Variants in PHF2 observed in about 807,000 individuals in gnomAD.
The protein encoded by PHF2 is PHD finger protein 2.
A neutral mutation model predicts 120.5 loss-of-function variants in PHF2; 27 were observed. The ratio of observed to expected loss-of-function variants is 0.22; its 90% confidence interval spans 0.17 to 0.31. The LOEUF is 0.31. Ranked by LOEUF, PHF2 falls within the 10% of genes least tolerant of loss-of-function variation. The pLI is 1.00. For synonymous variants in PHF2, 568 were observed against 592.5 expected (o/e 0.96, Z 0.60); for missense variants, 1,024 against 1,434.8 (o/e 0.71, Z 4.63).
In PHF2 at chr9:93,667,075, A is replaced by G. The variant is rs1305062406; in HGVS notation, c.2188-5A>G. The G allele has an allele frequency of 6.2e-7, 1 of 1,610,862 alleles. No individual in the cohort carries two copies. Among genetic ancestry groups the G allele is most frequent in the Admixed American group, 1.7e-5 (1 of 59,424 alleles). On this transcript the variant is annotated splice_region_variant and splice_polypyrimidine_tract_variant and intron_variant, in intron 16 of 21. Coordinates refer to ENST00000359246, the MANE Select transcript of PHF2 (RefSeq NM_005392.4). ...CTGACCGAAGCCCTGTCCCTCGCGC[A>G]GCAGAGTGATGACTCCTCGGACGAG... is the stretch of plus-strand genomic sequence containing the variant.
chr9:93,639,523 A>T (rs10115715), intron 3 of PHF2, among the ~76,000 whole-genome samples: 21,408 of 152,104 alleles, frequency 0.14, 1,581 homozygotes, highest in Non-Finnish European at 0.17. Flanking sequence ...GCAAATTGAG[A>T]TAGTATGACT....
intron 9 of PHF2, 141 bp from the exon 10 acceptor site, chr9:93,658,004 G>C: frequency 1.6e-6 from 1 of 614,180 alleles, no homozygotes; most frequent in Middle Eastern, 2.6e-4. Flanking sequence ...GGAACTGTTG[G>C]CAGTTGAGCT....
At chr9:93,597,669 C>T (rs1467262247) in intron 1 of PHF2, among the ~76,000 whole-genome samples, 1 of 152,144 alleles carries the variant, frequency 6.6e-6, no homozygotes, top group Non-Finnish European at 1.5e-5. Context: ...TGGTGTAGTC[C>T]TGAGGTGAGG....
intron 1 of PHF2, among the ~76,000 whole-genome samples, chr9:93,599,511 G>A (rs1825396829): frequency 6.6e-6 from 1 of 152,236 alleles, no homozygotes; most frequent in Non-Finnish European, 1.5e-5. Flanking sequence ...GTGGAGGTTG[G>A]AAACAGTGAT....
chr9:93,626,602 AT>A (rs1331897679), intron 1 of PHF2, among the ~76,000 whole-genome samples: 1 of 152,040 alleles, frequency 6.6e-6, no homozygotes, highest in Non-Finnish European at 1.5e-5. Context: ...CAAATTAGCA[AT>A]TTTTTCTTTT....
At chr9:93,629,685 C>T (rs985192845) in intron 1 of PHF2, among the ~76,000 whole-genome samples, 1 of 152,204 alleles carries the variant, frequency 6.6e-6, no homozygotes, top group Non-Finnish European at 1.5e-5. Context: ...TGGTGACCCT[C>T]ACCCAGGCAG....
intron 2 of PHF2, among the ~76,000 whole-genome samples, chr9:93,631,078 C>T (rs1825994149): frequency 6.6e-6 from 1 of 152,148 alleles, no homozygotes; most frequent in Non-Finnish European, 1.5e-5. Context: ...GGGATGAGTC[C>T]TATGGAATCA....
chr9:93,673,885 G>A, intron 18 of PHF2, 23 bp downstream of exon 18: 3 of 1,557,524 alleles, frequency 1.9e-6, no homozygotes, highest in Non-Finnish European at 1.7e-6. Context: ...CCTGCGTGGG[G>A]CAGGGCCCAT....
Position 93,610,618 on chromosome 9 carries a change from G to GT in PHF2, c.99-19346dup, listed in dbSNP as rs560879224. 3.3e-3 allele frequency among the ~76,000 whole-genome samples: 499 copies of GT among 152,094 alleles called. 4 individuals carry two copies. Among genetic ancestry groups the GT allele is most frequent in the South Asian group, 0.018 (85 of 4,820 alleles). Reference sequence around the variant, plus strand: ...TTTGTCTTTTCAGACTGTGTAGGTTGTTTTTTGTTTTGTTTTGTTTTATTT... The same window carrying GT: ...TTTGTCTTTTCAGACTGTGTAGGTTGTTTTTTTGTTTTGTTTTGTTTTATTT... On this transcript the variant is annotated intron_variant, in intron 1 of 21. Transcript: ENST00000359246.
intron 1 of PHF2, among the ~76,000 whole-genome samples, chr9:93,598,431 G>C (rs1293543109): frequency 6.6e-6 from 1 of 152,164 alleles, no homozygotes; most frequent in African/African-American, 2.4e-5. Flanking sequence ...TCAGTCCATG[G>C]GGCCCCGGGG....
At chr9:93,634,689 T>C (rs915724373) in intron 2 of PHF2, among the ~76,000 whole-genome samples, 1 of 152,230 alleles carries the variant, frequency 6.6e-6, no homozygotes, top group African/African-American at 2.4e-5. Context: ...GCTCTGAAGC[T>C]GAGCAGCCAG....
intron 1 of PHF2, among the ~76,000 whole-genome samples, chr9:93,613,321 G>A (rs1587681565): frequency 6.6e-6 from 1 of 152,190 alleles, no homozygotes; most frequent in African/African-American, 2.4e-5. Flanking sequence ...GCAGCTCTGG[G>A]ACTTTAGCCA....
At chr9:93,668,296 G>A (rs546249143) in intron 17 of PHF2, among the ~76,000 whole-genome samples, 4 of 152,306 alleles carry the variant, frequency 2.6e-5, no homozygotes, top group South Asian at 2.1e-4. Flanking sequence ...TTGCTGCAGA[G>A]ATGTGCTTGT....
At chr9:93,628,839 A>T (rs1354570213) in intron 1 of PHF2, among the ~76,000 whole-genome samples, 1 of 151,986 alleles carries the variant, frequency 6.6e-6, no homozygotes, top group African/African-American at 2.4e-5. Context: ...CCCATTATCC[A>T]CTGTGTTCTT....
At position 93,656,712 on chromosome 9, in the gene PHF2, G is replaced by C. The variant is rs1826467052; in HGVS notation, c.1147+117G>C. Reference sequence around the variant, plus strand: ...TGCCGCCTTCCTGTGGCCTGAGCAAGTCCTCTTGGGACTCAGACCCCTGGG... The same window carrying C: ...TGCCGCCTTCCTGTGGCCTGAGCAACTCCTCTTGGGACTCAGACCCCTGGG... On this transcript the variant is annotated intron_variant, in intron 9 of 21. Coordinates refer to ENST00000359246, the MANE Select transcript of PHF2 (RefSeq NM_005392.4). This position sits in a 1 kb window ranked among gnomAD's most constrained non-coding sequence, Gnocchi z 4.1. The C allele has an allele frequency of 7.2e-6, 5 of 696,880 alleles. No homozygotes were observed. In the East Asian group the frequency reaches 7.5e-5, roughly 10 times the overall value. 43.2% of individuals were successfully genotyped at this position (696,880 alleles called of 1,614,324 possible).
In PHF2 at chr9:93,656,886, A is replaced by T. The variant is rs535943151; in HGVS notation, c.1147+291A>T. On this transcript the variant is annotated intron_variant, in intron 9 of 21. Transcript: ENST00000359246. This position sits in a 1 kb window ranked among gnomAD's most constrained non-coding sequence, Gnocchi z 4.1. Reference sequence around the variant, plus strand: ...TGGCCTCAGTGCAGGTATCAATCACACCTGCTCCACCCTCCACACTTGCCT... The same window carrying T: ...TGGCCTCAGTGCAGGTATCAATCACTCCTGCTCCACCCTCCACACTTGCCT... Among the ~76,000 whole-genome samples the T allele has an allele frequency of 6.6e-6, 1 of 152,246 alleles. No homozygotes were observed. The highest frequency in any genetic ancestry group is 2.1e-4 in the South Asian group (1 of 4,828).
At chr9:93,644,526 C>A (rs546996857) in intron 3 of PHF2, among the ~76,000 whole-genome samples, 2 of 152,190 alleles carry the variant, frequency 1.3e-5, no homozygotes, top group Non-Finnish European at 2.9e-5. Flanking sequence ...CACTGTCTGT[C>A]CGCGTCAGAG....
chr9:93,611,612 GCAACCCTCC>G (rs1825636849), intron 1 of PHF2, among the ~76,000 whole-genome samples: 1 of 152,132 alleles, frequency 6.6e-6, no homozygotes, highest in African/African-American at 2.4e-5. Context: ...CTGGGCTCAA[GCAACCCTCC>G]CACCTCAGCC....
rs202070511 is a variant in PHF2 at position 93,663,533 on chromosome 9, C to G, written c.1835C>G (p.Ser612Cys). The G allele has an allele frequency of 1.2e-5, 20 of 1,612,024 alleles. No individual in the cohort carries two copies. Among genetic ancestry groups the G allele is most frequent in the Non-Finnish European group, 1.6e-5 (19 of 1,178,558 alleles). The change falls in exon 14 of 22, where the codon TCC becomes TGC. Residue 612 changes from serine (S) to cysteine (C), a missense_variant. Physicochemically the swap from Ser to Cys is moderately radical, Grantham distance 112. This residue lies in a region of PHF2 where 677 missense variants were observed against 857.4 expected (regional missense o/e 0.79). Transcript: ENST00000359246. ...GCTTTTCAGAACAGCAAACCTGACTCCTTACTGAAGATGGAAGAGGAGCAG... is the reference window on the plus strand; with the variant it reads ...GCTTTTCAGAACAGCAAACCTGACTGCTTACTGAAGATGGAAGAGGAGCAG... ...KWKYKNSKPD[S>C]LLKMEEEQKL...
Sources: allele counts gnomAD v4.1 joint callset (sites outside exome capture counted in the v4.1 genomes callset), GRCh38; gene constraint gnomAD v4.1.1; regional missense constraint gnomAD v4.1.1; non-coding constraint Gnocchi (gnomAD v3.1); transcripts MANE v1.5; gene names NCBI Gene and HGNC (gene_info 2026-07-23, HGNC 2026-07-21).